Variants in NAPEPLD observed in about 807,000 individuals in gnomAD.
The protein encoded by NAPEPLD is N-acyl phosphatidylethanolamine phospholipase D.
NAPEPLD carries 23 observed loss-of-function variants against 38.1 expected under a neutral mutation model. The observed-to-expected ratio is 0.60, with a 90% CI of 0.43 to 0.86. The LOEUF (loss-of-function observed/expected upper bound fraction) is 0.86. Ranked by LOEUF, NAPEPLD falls within the 40% of genes least tolerant of loss-of-function variation. NAPEPLD has a pLI of 0.00. For synonymous variants in NAPEPLD, 147 were observed against 162.0 expected (o/e 0.91, Z 0.71); for missense variants, 411 against 476.8 (o/e 0.86, Z 1.28).
At chr7:103,141,862 G>T in intron 1 of NAPEPLD, 1 of 1,008,338 alleles carries the variant, frequency 9.9e-7, no homozygotes, top group Non-Finnish European at 1.6e-6. Context: ...TGGTCTCATT[G>T]GGGTCTAACC....
At chr7:103,129,249 AAAC>A (rs1281198347) in intron 1 of NAPEPLD, 1 of 945,220 alleles carries the variant, frequency 1.1e-6, no homozygotes, top group Non-Finnish European at 1.3e-6. Context: ...CAAACAAACA[AAAC>A]AAACATGAAA....
At chr7:103,106,205 C>T (rs537508348) in intron 4 of NAPEPLD, among the ~76,000 whole-genome samples, 56 of 152,192 alleles carry the variant, frequency 3.7e-4, no homozygotes, top group Non-Finnish European at 6.8e-4. Flanking sequence ...GAACAGTGCA[C>T]TCCAGCCCAG....
chr7:103,107,746 CTA>C (rs946705024), intron 4 of NAPEPLD, among the ~76,000 whole-genome samples: 23 of 73,958 alleles, frequency 3.1e-4, no homozygotes, highest in African/African-American at 1.0e-3. Context: ...AAATATGTGA[CTA>C]TGTGAAAAGA....
Position 103,103,291 on chromosome 7 carries a change from CAAAACAT to C in NAPEPLD, c.*131_*137del, listed in dbSNP as rs1802653915. ...TCATACTAGGAAGCAAGTTATTACA[CAAAACAT>C]AAAACATAAACTTGCAGAAGTTGTT... On this transcript the variant is annotated 3_prime_UTR_variant, in exon 5 of 5. Coordinates refer to ENST00000465647, the MANE Select transcript of NAPEPLD (RefSeq NM_001122838.3). 1 of 1,102,008 alleles carries C rather than the reference CAAAACAT, an allele frequency of 9.1e-7. No individual in the cohort carries two copies. The highest frequency in any genetic ancestry group is 1.3e-6 in the Non-Finnish European group (1 of 783,522). The allele number at this position is 1,102,008 out of a possible 1,614,324, so 68.3% of individuals were successfully genotyped here. A position where few individuals can be genotyped will look rare whatever the true frequency, so the allele number is the denominator to read the frequency against.
chr7:103,117,332 A>G (rs1487175524), intron 3 of NAPEPLD, among the ~76,000 whole-genome samples: 3 of 152,244 alleles, frequency 2.0e-5, no homozygotes, highest in African/African-American at 7.2e-5. Flanking sequence ...CTTGGGATTC[A>G]GGGAAAGATG....
Position 103,114,688 on chromosome 7 carries a change from A to C in NAPEPLD, c.1056+372T>G, listed in dbSNP as rs1286646931. Among the ~76,000 whole-genome samples, 4 of 152,110 alleles carry C rather than the reference A, an allele frequency of 2.6e-5. No homozygotes were observed. The South Asian group carries it at 8.3e-4, about 32-fold the overall frequency. On this transcript the variant is annotated intron_variant, in intron 4 of 4. Transcript: ENST00000465647. ...CACATTACAGCACTTTCCCCTTCTA[A>C]CATCTGTATCACATACATGACTTCT...
chr7:103,129,229 C>CACAA (rs888535612), intron 1 of NAPEPLD: 166 of 841,228 alleles, frequency 2.0e-4, no homozygotes, highest in East Asian at 3.7e-4. Flanking sequence ...CACGCCATTG[C>CACAA]ACAAACAAAC....
Position 103,111,429 on chromosome 7 carries a change from A to C in NAPEPLD, c.1056+3631T>G, listed in dbSNP as rs561658320. Among the ~76,000 whole-genome samples the C allele has an allele frequency of 3.9e-5, 6 of 152,370 alleles. No individual in the cohort carries two copies. The East Asian group carries it at 9.6e-4, about 25-fold the overall frequency. On this transcript the variant is annotated intron_variant, in intron 4 of 4. Coordinates refer to ENST00000465647, the MANE Select transcript of NAPEPLD (RefSeq NM_001122838.3). ...AAACAGATATATAGACCAATGGAAC[A>C]GAACAGAGGCCTCAGAAGTAACACC...
Position 103,128,811 on chromosome 7 carries a change from A to T in NAPEPLD, c.-16-19T>A, listed in dbSNP as rs1184799131. The T allele has an allele frequency of 3.8e-6, 6 of 1,588,722 alleles. No individual in the cohort carries two copies. Among genetic ancestry groups the T allele is most frequent in the Non-Finnish European group, 5.1e-6 (6 of 1,170,984 alleles). ...TGAAGAACTAAAAAAAACAAGGGGG[A>T]AAAATACTGAGTTGAACATAAAGGC... On this transcript the variant is annotated intron_variant, in intron 1 of 4. Coordinates refer to ENST00000465647, the MANE Select transcript of NAPEPLD (RefSeq NM_001122838.3).
intron 1 of NAPEPLD, among the ~76,000 whole-genome samples, chr7:103,145,337 C>T (rs6964078): frequency 0.054 from 8,211 of 152,206 alleles, 303 homozygotes; most frequent in South Asian, 0.13. Context: ...TCAGTATTAG[C>T]GTTCACCCAG....
chr7:103,149,444 A>T (rs1184519879), upstream of NAPEPLD: 2 of 1,255,458 alleles, frequency 1.6e-6, no homozygotes, highest in Non-Finnish European at 2.1e-6. Context: ...GGACGCCAGC[A>T]GCTGCAGGCA....
At chr7:103,144,814 C>T (rs1812206966) in intron 1 of NAPEPLD, among the ~76,000 whole-genome samples, 1 of 151,982 alleles carries the variant, frequency 6.6e-6, no homozygotes. Flanking sequence ...GAGTTCGAGA[C>T]CAGCTTGGCC....
upstream of NAPEPLD, chr7:103,149,593 G>T: frequency 7.3e-6 from 6 of 824,724 alleles, no homozygotes; most frequent in Non-Finnish European, 8.1e-6. Flanking sequence ...CAAGATGGCC[G>T]CCCCTGTGGG....
intron 1 of NAPEPLD, among the ~76,000 whole-genome samples, chr7:103,132,539 A>G (rs1809157752): frequency 6.6e-6 from 1 of 152,152 alleles, no homozygotes; most frequent in Non-Finnish European, 1.5e-5. Context: ...TGGGAAAGCA[A>G]GAACCCAAGA....
chr7:103,141,911 A>T (rs1010062591), intron 1 of NAPEPLD: 1 of 1,004,112 alleles, frequency 1.0e-6, no homozygotes, highest in Non-Finnish European at 1.6e-6. Flanking sequence ...ACTAGAGGCA[A>T]GCCTCTTCTG....
intron 1 of NAPEPLD, among the ~76,000 whole-genome samples, chr7:103,147,652 AC>A (rs1049137860): frequency 2.0e-5 from 3 of 152,282 alleles, no homozygotes; most frequent in East Asian, 1.9e-4. Context: ...TATAACCAAA[AC>A]CCTGTGATGG....
intron 2 of NAPEPLD, among the ~76,000 whole-genome samples, chr7:103,123,848 G>C (rs1379530275): frequency 6.6e-6 from 1 of 152,128 alleles, no homozygotes; most frequent in Non-Finnish European, 1.5e-5. Flanking sequence ...GAGAATAAGG[G>C]GGTATGAATT....
chr7:103,102,115 CTGAT>C lies in NAPEPLD; in HGVS notation c.*1310_*1313del, dbSNP rs976758429. On this transcript the variant is annotated 3_prime_UTR_variant, in exon 5 of 5. Coordinates refer to ENST00000465647, the MANE Select transcript of NAPEPLD (RefSeq NM_001122838.3). ...GAATCAGGTAAAAAAAATTATAAATCTGATTGATATATTTAGAGCTAAGAGACTC... is the reference window on the plus strand; with the variant it reads ...GAATCAGGTAAAAAAAATTATAAATCTGATATATTTAGAGCTAAGAGACTC... The C allele has an allele frequency of 2.1e-5, 3 of 143,616 alleles. No individual in the cohort carries two copies. Among genetic ancestry groups the C allele is most frequent in the African/African-American group, 7.8e-5 (3 of 38,682 alleles). The allele number at this position is 143,616 out of a possible 1,614,324, so 8.9% of individuals were successfully genotyped here. A position where few individuals can be genotyped will look rare whatever the true frequency, so the allele number is the denominator to read the frequency against.
chr7:103,100,348 C>G lies in NAPEPLD; in HGVS notation c.*3081G>C, dbSNP rs1318150578. ...TAATGTGCTTTAGCAGCAGTAGATT[C>G]TAAAACTGTGTCTTCTTGTCCTCTC... On this transcript the variant is annotated 3_prime_UTR_variant, in exon 5 of 5. Transcript: ENST00000465647. 1 of 152,148 alleles carries G rather than the reference C, an allele frequency of 6.6e-6. No individual in the cohort carries two copies. The highest frequency in any genetic ancestry group is 2.4e-5 in the African/African-American group (1 of 41,428). The allele number at this position is 152,148 out of a possible 1,614,324, so 9.4% of individuals were successfully genotyped here.
Sources: allele counts gnomAD v4.1 joint callset (sites outside exome capture counted in the v4.1 genomes callset), GRCh38; gene constraint gnomAD v4.1.1; transcripts MANE v1.5; gene names NCBI Gene and HGNC (gene_info 2026-07-23, HGNC 2026-07-21).